The following METTL8 variants were observed in gnomAD, a reference collection of about 807,000 sequenced individuals.
METTL8 encodes tRNA N(3)-cytidine methyltransferase METTL8, mitochondrial.
A neutral mutation model predicts 48.7 loss-of-function variants in METTL8; 32 were observed. The observed-to-expected ratio is 0.66, with a 90% CI of 0.50 to 0.88. The LOEUF (loss-of-function observed/expected upper bound fraction) is 0.88, where lower values mean the gene tolerates loss of function less well. METTL8 is among the 40% of genes least tolerant of loss of function. The pLI, the probability that METTL8 is intolerant of heterozygous loss-of-function variation, is 0.00. For missense variants in METTL8, 464 were observed against 474.4 expected, an observed-to-expected ratio of 0.98 and a Z score of 0.20; for synonymous variants, 136 against 157.1, an observed-to-expected ratio of 0.87 and a Z score of 1.01.
intron 1 of METTL8, among the ~76,000 whole-genome samples, chr2:171,428,154 T>C (rs780399870): frequency 6.6e-6 from 1 of 152,252 alleles, no homozygotes; most frequent in Non-Finnish European, 1.5e-5. Context: ...ATATTTGTTC[T>C]ATGCCCAAAA....
chr2:171,353,880 T>C (rs1575809712), intron 3 of METTL8, among the ~76,000 whole-genome samples: 2 of 152,368 alleles, frequency 1.3e-5, no homozygotes, highest in African/African-American at 4.8e-5. Flanking sequence ...GTCTCCTGAA[T>C]ACAGCACACT....
chr2:171,324,715 G>A (rs1684752829), intron 9 of METTL8, among the ~76,000 whole-genome samples: 3 of 152,144 alleles, frequency 2.0e-5, no homozygotes. Flanking sequence ...CATAAATTTG[G>A]GGAAATCCTT....
At position 171,397,850 on chromosome 2, in the gene METTL8, T is replaced by A. The variant is rs557688481; in HGVS notation, c.-12-5653A>T. The stretch of plus-strand genomic sequence containing the variant: ...GTCCTTGAAAACCATAACTTACCAA[T>A]AATAACAAAATAACACAAGAGAAAA... On this transcript the variant is annotated intron_variant, in intron 1 of 9. Coordinates refer to ENST00000375258, the MANE Select transcript of METTL8 (RefSeq NM_001321154.2). 2.0e-5 allele frequency among the ~76,000 whole-genome samples: 3 copies of A among 152,286 alleles called. No homozygotes were observed. In the South Asian group the frequency reaches 6.2e-4, roughly 32 times the overall value.
At chr2:171,434,722 G>A, upstream of METTL8, 12 of 1,425,770 alleles carry the variant, frequency 8.4e-6, no homozygotes, top group Non-Finnish European at 1.1e-5. Flanking sequence ...CAGCCGGCCG[G>A]GGCGGGACGG....
At chr2:171,357,162 T>C (rs541931279) in intron 3 of METTL8, among the ~76,000 whole-genome samples, 5 of 152,034 alleles carry the variant, frequency 3.3e-5, no homozygotes, top group Non-Finnish European at 7.4e-5. Flanking sequence ...TTTCACCATG[T>C]TGGCCAGGCT....
At position 171,340,572 on chromosome 2, in the gene METTL8, TAAAC is replaced by T. The variant is rs200981331; in HGVS notation, c.236-1022_236-1019del. On this transcript the variant is annotated intron_variant, in intron 3 of 9. Transcript: ENST00000375258. ...AGACCCTGTCTCAAAAATTAATAAA[TAAAC>T]AAATAAAAGAAAGGACACCTTATTT... Among the ~76,000 whole-genome samples, 855 of 144,850 alleles carry T rather than the reference TAAAC, an allele frequency of 5.9e-3. 5 individuals are homozygous for T. The highest frequency in any genetic ancestry group is 0.021 in the African/African-American group (816 of 39,014).
intron 7 of METTL8, 179 bp from the exon 8 acceptor site, chr2:171,326,327 C>T: frequency 3.7e-6 from 2 of 540,724 alleles, no homozygotes; most frequent in Non-Finnish European, 6.5e-6. Context: ...CCAAAACCAA[C>T]TTGCTAAATG....
At position 171,320,163 on chromosome 2, in the gene METTL8, A is replaced by G. The variant is rs1455483994; in HGVS notation, c.*4009T>C. The G allele has an allele frequency of 6.6e-6, 1 of 151,944 alleles. No individual in the cohort carries two copies. The highest frequency in any genetic ancestry group is 1.5e-5 in the Non-Finnish European group (1 of 67,964). 9.4% of individuals were successfully genotyped at this position (151,944 alleles called of 1,614,324 possible). A position where few individuals can be genotyped will look rare whatever the true frequency, so the allele number is the denominator to read the frequency against. On this transcript the variant is annotated 3_prime_UTR_variant, in exon 10 of 10. Coordinates refer to ENST00000375258, the MANE Select transcript of METTL8 (RefSeq NM_001321154.2). Reference sequence around the variant, plus strand: ...TTTCTGTGCCAAAATCTACATTTCTATCTAGCAGCAAACCCCGAGAAGGAA... The same window carrying G: ...TTTCTGTGCCAAAATCTACATTTCTGTCTAGCAGCAAACCCCGAGAAGGAA...
At chr2:171,369,297 C>A (rs1686054241) in intron 2 of METTL8, among the ~76,000 whole-genome samples, 1 of 152,168 alleles carries the variant, frequency 6.6e-6, no homozygotes, top group Non-Finnish European at 1.5e-5. Context: ...GAGAGCGAGA[C>A]TCTGTCTCAA....
chr2:171,363,792 TTATATATATATATATATA>T lies in METTL8; in HGVS notation c.144-3297_144-3280del, dbSNP rs200347847. 3.1e-4 allele frequency among the ~76,000 whole-genome samples: 30 copies of T among 97,436 alleles called. 1 individual carries two copies. The highest frequency in any genetic ancestry group is 6.2e-4 in the Non-Finnish European group (30 of 48,174). The allele number at this position is 97,436 out of a possible 152,430, so 63.9% of individuals were successfully genotyped here. On this transcript the variant is annotated intron_variant, in intron 2 of 9. Transcript: ENST00000375258. ...GGTTAAAAAAGTACATCCCCAAATT[TTATATATATATATATATA>T]TATATCTTTTTTTTTTTTTTGAGAT...
rs71013037 is a variant in METTL8, at chr2:171,336,863, CTT to C, written c.656+588_656+589del. On this transcript the variant is annotated intron_variant, in intron 5 of 9. Transcript: ENST00000375258. ...CAGTGGAAGGATGAAATCACTTCCT[CTT>C]TTTTTTTTTTTTTTTTTTTTTGAGA... Among the ~76,000 whole-genome samples, 138 of 88,100 alleles carry C rather than the reference CTT, an allele frequency of 1.6e-3. 3 individuals carry two copies. The East Asian group carries it at 0.036, about 23-fold the overall frequency. 57.8% of individuals were successfully genotyped at this position (88,100 alleles called of 152,430 possible). A position where few individuals can be genotyped will look rare whatever the true frequency, so the allele number is the denominator to read the frequency against.
In METTL8 at chr2:171,315,822, T is replaced by C. The variant is rs879303112; in HGVS notation, c.*8350A>G. Among the ~76,000 whole-genome samples the C allele has an allele frequency of 3.9e-5, 6 of 152,184 alleles. No homozygotes were observed. Among genetic ancestry groups the C allele is most frequent in the Admixed American group, 6.6e-5 (1 of 15,266 alleles). On this transcript the variant is annotated 3_prime_UTR_variant, in exon 10 of 10. Transcript: ENST00000375258. The stretch of plus-strand genomic sequence containing the variant: ...TCACAGAAGATTTACAAAACTTACA[T>C]GAAATAAGAAAATGTTCAACTATGT...
chr2:171,370,233 T>C (rs919449442), intron 2 of METTL8, among the ~76,000 whole-genome samples: 3 of 152,176 alleles, frequency 2.0e-5, no homozygotes, highest in Non-Finnish European at 4.4e-5. Context: ...CTTTCTGTTT[T>C]CTTTGGTGTT....
chr2:171,384,344 C>T (rs1687845212), intron 2 of METTL8, among the ~76,000 whole-genome samples: 1 of 151,752 alleles, frequency 6.6e-6, no homozygotes, highest in South Asian at 2.1e-4. Context: ...CCCATGTATA[C>T]TAAAAATACA....
chr2:171,390,038 G>A (rs1282588439), intron 2 of METTL8, among the ~76,000 whole-genome samples: 1 of 152,178 alleles, frequency 6.6e-6, no homozygotes, highest in Non-Finnish European at 1.5e-5. Context: ...TAAGGCAGTT[G>A]GTGACTTTAA....
At chr2:171,433,679 G>A (rs1344649049) in intron 1 of METTL8, among the ~76,000 whole-genome samples, 11 of 152,194 alleles carry the variant, frequency 7.2e-5, no homozygotes, top group Non-Finnish European at 1.5e-4. Context: ...GAGGCGAGAG[G>A]AAATGAAATG....
At chr2:171,360,597 C>A in intron 2 of METTL8, 84 bp from the exon 3 acceptor site, 1 of 1,146,066 alleles carries the variant, frequency 8.7e-7, no homozygotes, top group East Asian at 2.4e-5. Context: ...ATCTTTCATT[C>A]TAGATTAGCT....
intron 1 of METTL8, among the ~76,000 whole-genome samples, chr2:171,409,840 C>T (rs1276458333): frequency 6.6e-6 from 1 of 152,184 alleles, no homozygotes; most frequent in Non-Finnish European, 1.5e-5. Flanking sequence ...TGTGCACCAA[C>T]TATGGTGTGG....
At chr2:171,433,687 A>C (rs1221534997) in intron 1 of METTL8, among the ~76,000 whole-genome samples, 196 bp downstream of exon 1, 1 of 152,242 alleles carries the variant, frequency 6.6e-6, no homozygotes, top group African/African-American at 2.4e-5. Context: ...AGGAAATGAA[A>C]TGAAGCAATT....
Sources: gnomAD v4.1 joint callset for allele counts (sites outside exome capture counted in the v4.1 genomes callset) on GRCh38, gnomAD v4.1.1 for gene constraint, MANE v1.5 for transcripts, NCBI Gene and HGNC (gene_info 2026-07-23, HGNC 2026-07-21) for gene names.